Variants in SH3GL2 observed in about 807,000 individuals in gnomAD.
SH3GL2 encodes SH3 domain containing GRB2 like 2, endophilin A1, also known as endophilin-A1.
Under a neutral mutation model 46.0 loss-of-function variants are expected in SH3GL2, and 24 were observed. The ratio of observed to expected loss-of-function variants is 0.52; its 90% CI spans 0.38 to 0.73. The LOEUF (loss-of-function observed/expected upper bound fraction) is 0.73, where lower values mean the gene tolerates loss of function less well. Among genes scored for constraint, SH3GL2 ranks in the 30% least tolerant of loss-of-function variants. The pLI, the probability that SH3GL2 is intolerant of heterozygous loss-of-function variation, is 0.00. For synonymous variants in SH3GL2, 196 were observed against 147.1 expected, an observed-to-expected ratio of 1.33 and a Z score of -2.40; for missense variants, 413 against 424.2, an observed-to-expected ratio of 0.97 and a Z score of 0.23.
In SH3GL2 at chr9:17,786,529, C is replaced by G; in HGVS notation, c.331+5C>G. The G allele has an allele frequency of 6.2e-7, 1 of 1,612,576 alleles. No individual in the cohort carries two copies. The highest frequency in any genetic ancestry group is 8.5e-7 in the Non-Finnish European group (1 of 1,178,960). On this transcript the variant is annotated splice_donor_5th_base_variant and intron_variant, in intron 4 of 8. Transcript: ENST00000380607. ...TTGGAGATGATTGCAACTTTGGTAA[C>G]AAGTGCTTCCTCACATTGTAATTCT...
At chr9:17,739,147 T>C (rs1822449230) in intron 1 of SH3GL2, among the ~76,000 whole-genome samples, 1 of 152,130 alleles carries the variant, frequency 6.6e-6, no homozygotes, top group Non-Finnish European at 1.5e-5. Flanking sequence ...TTCACAAAAC[T>C]GGTTAGTAGA....
intron 1 of SH3GL2, among the ~76,000 whole-genome samples, chr9:17,638,416 C>G (rs1037532070): frequency 5.9e-5 from 9 of 152,238 alleles, no homozygotes; most frequent in African/African-American, 2.2e-4. Flanking sequence ...CTACCTGTAT[C>G]TTACTTACAG....
intron 1 of SH3GL2, among the ~76,000 whole-genome samples, chr9:17,721,101 C>T (rs560725418): frequency 6.6e-6 from 1 of 152,102 alleles, no homozygotes; most frequent in East Asian, 1.9e-4. Flanking sequence ...CCTGCTTGGT[C>T]CTGAGTCTCT....
intron 1 of SH3GL2, among the ~76,000 whole-genome samples, chr9:17,682,263 A>G (rs1170066646): frequency 6.6e-6 from 1 of 152,154 alleles, no homozygotes; most frequent in Non-Finnish European, 1.5e-5. Context: ...ATGCATGCAT[A>G]TGTTTTTTGC....
intron 1 of SH3GL2, among the ~76,000 whole-genome samples, chr9:17,617,786 G>A (rs1819038793): frequency 6.6e-6 from 1 of 152,012 alleles, no homozygotes; most frequent in Admixed American, 6.5e-5. Context: ...CACCTCTCTG[G>A]TCCTATTGCT....
intron 1 of SH3GL2, among the ~76,000 whole-genome samples, chr9:17,724,667 G>A (rs186238304): frequency 5.9e-5 from 9 of 152,210 alleles, no homozygotes; most frequent in Admixed American, 5.9e-4. Context: ...TGGTAACTCT[G>A]GATATTGATC....
At chr9:17,651,486 C>T (rs1819958632) in intron 1 of SH3GL2, among the ~76,000 whole-genome samples, 1 of 152,064 alleles carries the variant, frequency 6.6e-6, no homozygotes, top group Admixed American at 6.6e-5. Flanking sequence ...GCTGTGTTTG[C>T]CTTTTTTCTG....
Position 17,793,469 on chromosome 9 carries a change from C to G in SH3GL2, c.831C>G (p.Leu277=). The change falls in exon 8 of 9, where the codon CTC becomes CTG. Residue 277 remains leucine, a synonymous_variant. Transcript: ENST00000380607. The part of the protein sequence containing the change: ...TGDSTQPNGG[L]SHTGTPKPSG... Reference sequence around the variant, plus strand: ...ACAGTACTCAGCCCAATGGGGGTCTCTCCCACACAGGCACTCCCAAACCTT... The same window carrying G: ...ACAGTACTCAGCCCAATGGGGGTCTGTCCCACACAGGCACTCCCAAACCTT... The G allele has an allele frequency of 6.2e-7, 1 of 1,613,166 alleles. No individual in the cohort carries two copies. The highest frequency in any genetic ancestry group is 8.5e-7 in the Non-Finnish European group (1 of 1,179,680).
intron 1 of SH3GL2, among the ~76,000 whole-genome samples, chr9:17,721,067 G>T (rs1042505760): frequency 3.3e-5 from 5 of 151,944 alleles, no homozygotes; most frequent in Non-Finnish European, 2.9e-5. Context: ...CTGAACTCTC[G>T]CACTCTCCTC....
chr9:17,600,380 A>G (rs922726657), intron 1 of SH3GL2, among the ~76,000 whole-genome samples: 17 of 152,346 alleles, frequency 1.1e-4, no homozygotes, highest in Non-Finnish European at 2.4e-4. Flanking sequence ...TGTAATGTCG[A>G]AGGGAGAATT....
chr9:17,627,136 T>C (rs1274174418), intron 1 of SH3GL2, among the ~76,000 whole-genome samples: 1 of 152,162 alleles, frequency 6.6e-6, no homozygotes, highest in East Asian at 1.9e-4. Flanking sequence ...ACTGCCAGAT[T>C]CCAAAGCCAG....
intron 1 of SH3GL2, among the ~76,000 whole-genome samples, chr9:17,658,160 G>T (rs1333916810): frequency 1.3e-5 from 2 of 152,156 alleles, no homozygotes. Context: ...TCAGTTTAAT[G>T]AACAGTGATT....
intron 1 of SH3GL2, among the ~76,000 whole-genome samples, chr9:17,643,576 G>C (rs1417472556): frequency 6.7e-6 from 1 of 150,370 alleles, no homozygotes; most frequent in South Asian, 2.1e-4. Context: ...GAGTGTTTTA[G>C]TCATTGGTTC....
At chr9:17,633,578 C>T (rs568621119) in intron 1 of SH3GL2, among the ~76,000 whole-genome samples, 41 of 152,016 alleles carry the variant, frequency 2.7e-4, no homozygotes, top group Non-Finnish European at 4.1e-4. Context: ...TTTGCACCAA[C>T]GTGTTCTTTA....
intron 1 of SH3GL2, among the ~76,000 whole-genome samples, chr9:17,705,442 A>G (rs1365730266): frequency 1.3e-5 from 2 of 151,970 alleles, no homozygotes; most frequent in African/African-American, 2.4e-5. Flanking sequence ...ACATGTATGC[A>G]TATGTTCAGC....
intron 1 of SH3GL2, among the ~76,000 whole-genome samples, chr9:17,699,120 G>A (rs12554712): frequency 0.087 from 12,259 of 140,640 alleles, 652 homozygotes; most frequent in Admixed American, 0.19. Context: ...ATGCCACTGC[G>A]CTCCAGCTAG....
At chr9:17,644,481 C>T (rs560194340) in intron 1 of SH3GL2, among the ~76,000 whole-genome samples, 1 of 152,202 alleles carries the variant, frequency 6.6e-6, no homozygotes, top group South Asian at 2.1e-4. Flanking sequence ...ATAAATTTAC[C>T]TGTAAACACG....
intron 1 of SH3GL2, among the ~76,000 whole-genome samples, chr9:17,650,000 A>T (rs1178771640): frequency 6.6e-6 from 1 of 152,240 alleles, no homozygotes; most frequent in Non-Finnish European, 1.5e-5. Context: ...AAGCCTTCAT[A>T]ACCACCAGCT....
chr9:17,638,696 A>G (rs969676849), intron 1 of SH3GL2, among the ~76,000 whole-genome samples: 1 of 152,178 alleles, frequency 6.6e-6, no homozygotes, highest in Non-Finnish European at 1.5e-5. Context: ...ACCAGCCTCT[A>G]CTGTGGTTAC....
Sources: allele counts gnomAD v4.1 joint callset (sites outside exome capture counted in the v4.1 genomes callset), GRCh38; gene constraint gnomAD v4.1.1; transcripts MANE v1.5; gene names NCBI Gene and HGNC (gene_info 2026-07-23, HGNC 2026-07-21).